The following SUCLG1 variants were observed in gnomAD, a reference collection of about 807,000 sequenced individuals.
SUCLG1 encodes succinate-CoA ligase GDP/ADP-forming subunit alpha.
SUCLG1 carries 26 observed loss-of-function variants against 37.3 expected under a neutral mutation model. The ratio of observed to expected loss-of-function variants is 0.70; its 90% CI spans 0.51 to 0.97. The LOEUF is 0.97. SUCLG1 is among the 50% of genes least tolerant of loss of function. The pLI, the probability that SUCLG1 is intolerant of heterozygous loss-of-function variation, is 0.00. For synonymous variants in SUCLG1, 163 were observed against 155.6 expected, an observed-to-expected ratio of 1.05 and a Z score of -0.36; for missense variants, 433 against 432.9, an observed-to-expected ratio of 1.00 and a Z score of 0.00.
At position 84,433,834 on chromosome 2, in the gene SUCLG1, C is replaced by T. The variant is rs188471811; in HGVS notation, c.590-399G>A. 4.8e-4 allele frequency: 105 copies of T among 219,332 alleles called. 1 individual carries two copies. The Middle Eastern group carries it at 5.6e-3, about 12-fold the overall frequency. 13.6% of individuals were successfully genotyped at this position (219,332 alleles called of 1,614,324 possible). On this transcript the variant is annotated intron_variant, in intron 5 of 8. Transcript: ENST00000393868. ...TACCTTATGTAGTCTGGGTATTTGTCCCCTCCAAATCTCAGGTTGAAATGT... is the reference window on the plus strand; with the variant it reads ...TACCTTATGTAGTCTGGGTATTTGTTCCCTCCAAATCTCAGGTTGAAATGT...
intron 2 of SUCLG1, among the ~76,000 whole-genome samples, chr2:84,444,272 A>G (rs1020014853): frequency 9.2e-5 from 14 of 152,148 alleles, no homozygotes; most frequent in African/African-American, 3.4e-4. Flanking sequence ...TCTTTTCCAT[A>G]TTCCCTAAGT....
Position 84,441,073 on chromosome 2 carries a change from C to G in SUCLG1, c.563G>C (p.Gly188Ala), listed in dbSNP as rs1672764047. Reference sequence around the variant, plus strand: ...AATCCTTCCTTTTTTGTGAATATGGCCAGGCATGATGCCAATTTTACATTC... The same window carrying G: ...AATCCTTCCTTTTTTGTGAATATGGGCAGGCATGATGCCAATTTTACATTC... ...PGECKIGIMP[G>A]HIHKKGRIGI... The change falls in exon 5 of 9, where the codon GGC becomes GCC. Residue 188 changes from glycine (G) to alanine (A), a missense_variant. Gly to Ala is a moderately conservative substitution (Grantham distance 60). Transcript: ENST00000393868. The G allele has an allele frequency of 6.2e-7, 1 of 1,614,010 alleles. No individual in the cohort carries two copies. The highest frequency in any genetic ancestry group is 8.5e-7 in the Non-Finnish European group (1 of 1,180,008).
chr2:84,446,127 C>CTT (rs1211843305), intron 2 of SUCLG1, among the ~76,000 whole-genome samples: 10 of 152,222 alleles, frequency 6.6e-5, no homozygotes, highest in Non-Finnish European at 1.3e-4. Flanking sequence ...ATCAGACTTC[C>CTT]CCTGACCACC....
intron 1 of SUCLG1, among the ~76,000 whole-genome samples, chr2:84,453,459 G>T (rs1459628130): frequency 6.6e-6 from 1 of 151,456 alleles, no homozygotes; most frequent in Non-Finnish European, 1.5e-5. Flanking sequence ...CTGCAGCCCA[G>T]GCTGGAGTGC....
intron 7 of SUCLG1, chr2:84,426,028 G>T: frequency 7.6e-6 from 2 of 262,138 alleles, no homozygotes; most frequent in Non-Finnish European, 1.5e-5. Context: ...AAAAAGATGA[G>T]GTGGGAAGTA....
intron 6 of SUCLG1, chr2:84,433,102 C>T: frequency 1.8e-6 from 1 of 548,360 alleles, no homozygotes; most frequent in Non-Finnish European, 3.3e-6. Context: ...TGTTTTCAGG[C>T]ACCAAGGTGC....
At position 84,441,176 on chromosome 2, in the gene SUCLG1, C is replaced by G. The variant is rs959644451; in HGVS notation, c.531+71G>C. On this transcript the variant is annotated intron_variant, in intron 4 of 8. Transcript: ENST00000393868. Reference sequence around the variant, plus strand: ...CACAGGTCATACACACAAATACACTCGCATTCACTCAAAGCTGTTTAGCCT... The same window carrying G: ...CACAGGTCATACACACAAATACACTGGCATTCACTCAAAGCTGTTTAGCCT... 47 of 1,611,336 alleles carry G rather than the reference C, an allele frequency of 2.9e-5. 1 individual carries two copies. The highest frequency in any genetic ancestry group is 8.5e-7 in the Non-Finnish European group (1 of 1,177,806).
intron 5 of SUCLG1, among the ~76,000 whole-genome samples, chr2:84,434,185 G>A (rs1672650729): frequency 6.6e-6 from 1 of 152,132 alleles, no homozygotes; most frequent in African/African-American, 2.4e-5. Flanking sequence ...TCCAGGCTCA[G>A]ATATTCCTTT....
rs1488976255 is a variant in SUCLG1, at chr2:84,433,368, C to A, written c.657G>T (p.Gly219=). 14 of 1,613,944 alleles carry A rather than the reference C, an allele frequency of 8.7e-6. No homozygotes were observed. The highest frequency in any genetic ancestry group is 4.4e-5 in the South Asian group (4 of 91,062). ...AVHQTTQVGL[G]QSLCVGIGGD... ...GTCCCTCACCAACGCACAAAGACTG[C>A]CCCAATCCAACTTGCGTTGTTTGGT... is the stretch of plus-strand genomic sequence containing the variant. Residue 219 remains glycine (G), a synonymous_variant, in exon 6 of 9, where the codon GGG becomes GGT. Coordinates refer to ENST00000393868, the MANE Select transcript of SUCLG1 (RefSeq NM_003849.4).
intron 5 of SUCLG1, among the ~76,000 whole-genome samples, chr2:84,438,967 C>G (rs1471425919): frequency 6.6e-6 from 1 of 152,162 alleles, no homozygotes; most frequent in Non-Finnish European, 1.5e-5. Context: ...CCACTCCAGT[C>G]AGCAGCTGCA....
intron 5 of SUCLG1, among the ~76,000 whole-genome samples, chr2:84,439,546 T>C (rs951110206): frequency 2.6e-5 from 4 of 152,198 alleles, no homozygotes; most frequent in African/African-American, 9.7e-5. Context: ...AATGAAATTA[T>C]CAAGTACTGC....
In SUCLG1 at chr2:84,423,759, C is replaced by T; in HGVS notation, c.1028G>A (p.Arg343Lys). The T allele has an allele frequency of 2.5e-6, 4 of 1,606,166 alleles. No homozygotes were observed. Among genetic ancestry groups the T allele is most frequent in the Non-Finnish European group, 3.4e-6 (4 of 1,175,352 alleles). ...GTTIYKEFEK[R>K]KML ...TTTTTTTTTCTTTCATAGCATCTTCCTCTTTTCAAATTCCTTCAGAAACAG... is the reference window on the plus strand; with the variant it reads ...TTTTTTTTTCTTTCATAGCATCTTCTTCTTTTCAAATTCCTTCAGAAACAG... The change falls in exon 9 of 9, where the codon AGG (arginine) becomes AAG (lysine). Residue 343 changes from arginine to lysine, a missense_variant. Physicochemically the swap from Arg to Lys is conservative, Grantham distance 26. Transcript: ENST00000393868.
intron 5 of SUCLG1, among the ~76,000 whole-genome samples, chr2:84,435,679 C>T (rs567257701): frequency 1.5e-4 from 23 of 152,316 alleles, no homozygotes; most frequent in African/African-American, 5.3e-4. Flanking sequence ...TGTACAACTA[C>T]AGAGCATGTA....
rs1672910611 is a variant in SUCLG1, at chr2:84,449,761, TTAAA to T, written c.98-13_98-10del. ...AATTCCATTCTGCGGCACTAAGAGG[TTAAA>T]AAAAAAAAAAAAAAAAAAAAAAGAC... On this transcript the variant is annotated splice_polypyrimidine_tract_variant and intron_variant, in intron 1 of 8. Transcript: ENST00000393868. 3 of 975,444 alleles carry T rather than the reference TTAAA, an allele frequency of 3.1e-6. No homozygotes were observed. The highest frequency in any genetic ancestry group is 3.9e-5 in the Admixed American group (1 of 25,832). The allele number at this position is 975,444 out of a possible 1,614,324, so 60.4% of individuals were successfully genotyped here.
At chr2:84,432,951 G>A in intron 6 of SUCLG1, 1 of 252,696 alleles carries the variant, frequency 4.0e-6, no homozygotes. Flanking sequence ...CAGCTCAGAG[G>A]CACCTGAGAG....
intron 7 of SUCLG1, among the ~76,000 whole-genome samples, chr2:84,428,515 G>C (rs1255344223): frequency 6.6e-6 from 1 of 152,144 alleles, no homozygotes; most frequent in Non-Finnish European, 1.5e-5. Flanking sequence ...TCTCATGTTT[G>C]AGTGGCATTA....
At chr2:84,438,036 A>C (rs1261109779) in intron 5 of SUCLG1, among the ~76,000 whole-genome samples, 1 of 152,214 alleles carries the variant, frequency 6.6e-6, no homozygotes, top group Non-Finnish European at 1.5e-5. Flanking sequence ...AGAGTAGATT[A>C]CTGGTTGTCA....
In SUCLG1 at chr2:84,449,183, C is replaced by T. The variant is rs573583362; in HGVS notation, c.201+466G>A. 9.9e-5 allele frequency among the ~76,000 whole-genome samples: 15 copies of T among 152,258 alleles called. No homozygotes were observed. The South Asian group carries it at 1.0e-3, about 11-fold the overall frequency. The stretch of plus-strand genomic sequence containing the variant: ...GTATAAGATGAAAAAAGTCAGTGGG[C>T]GGGTTCTTCCCTTGTCTCAGTATCC... On this transcript the variant is annotated intron_variant, in intron 2 of 8. Coordinates refer to ENST00000393868, the MANE Select transcript of SUCLG1 (RefSeq NM_003849.4).
chr2:84,448,190 AC>A (rs1318996198), intron 2 of SUCLG1, among the ~76,000 whole-genome samples: 34 of 137,464 alleles, frequency 2.5e-4, no homozygotes, highest in African/African-American at 1.1e-3. Flanking sequence ...AAAACAAAAA[AC>A]AAAAAACAAA....
Sources: allele counts gnomAD v4.1 joint callset (sites outside exome capture counted in the v4.1 genomes callset), GRCh38; gene constraint gnomAD v4.1.1; transcripts MANE v1.5; gene names NCBI Gene and HGNC (gene_info 2026-07-23, HGNC 2026-07-21).